NLRC3: variants seen among roughly 807,000 people sequenced by gnomAD.
NLRC3 encodes the protein NLR family CARD domain-containing protein 3.
Under a neutral mutation model 91.6 loss-of-function variants are expected in NLRC3, and 87 were observed. That is an observed-to-expected ratio of 0.95 (90% CI 0.80 to 1.14). NLRC3 has a LOEUF of 1.14. NLRC3 is among the 50% of genes most tolerant of loss of function. The probability of loss-of-function intolerance (pLI) is 0.00; values close to 1 mark genes in which losing one functional copy is unlikely to be tolerated. For synonymous variants in NLRC3, 694 were observed against 625.3 expected (o/e 1.11, Z -1.64); for missense variants, 1,577 against 1,418.6 (o/e 1.11, Z -1.79).
intron 17 of NLRC3, 68 bp from the exon 18 acceptor site, chr16:3,542,843 G>C: frequency 9.1e-7 from 1 of 1,103,560 alleles, no homozygotes; most frequent in Non-Finnish European, 1.3e-6. Flanking sequence ...CCCTCTGCGG[G>C]TGGGCTTGGG....
intron 1 of NLRC3, among the ~76,000 whole-genome samples, chr16:3,574,368 C>T (rs572593604): frequency 1.4e-4 from 21 of 152,158 alleles, no homozygotes; most frequent in African/African-American, 4.6e-4. Context: ...AGGGCCCCCA[C>T]GTGGATCTAG....
At chr16:3,551,800 TATCCATTCATTC>T (rs2039023631) in intron 10 of NLRC3, among the ~76,000 whole-genome samples, 4 of 130,978 alleles carry the variant, frequency 3.1e-5, no homozygotes, top group South Asian at 5.4e-4. Context: ...CTCATTCATT[TATCCATTCATTC>T]ACCCATCCAT....
chr16:3,562,689 A>G (rs1202728105), intron 5 of NLRC3, among the ~76,000 whole-genome samples: 3 of 149,134 alleles, frequency 2.0e-5, no homozygotes, highest in African/African-American at 2.6e-5. Context: ...CAGGGAGAAG[A>G]TGACCAGGCG....
chr16:3,576,645 TTTTTC>T (rs55896016), intron 1 of NLRC3, among the ~76,000 whole-genome samples: 11 of 152,130 alleles, frequency 7.2e-5, no homozygotes, highest in Middle Eastern at 3.4e-3. Context: ...AGTTACCTGT[TTTTTC>T]TTTTCTTTTT....
At chr16:3,574,708 C>A (rs913347286) in intron 1 of NLRC3, among the ~76,000 whole-genome samples, 1 of 152,142 alleles carries the variant, frequency 6.6e-6, no homozygotes, top group Admixed American at 6.5e-5. Flanking sequence ...TGCCTGTAAT[C>A]CTAGCACTTT....
At position 3,564,198 on chromosome 16, in the gene NLRC3, G is replaced by C. The variant is rs933380485; in HGVS notation, c.739C>G (p.His247Asp). 3.7e-6 allele frequency: 6 copies of C among 1,613,484 alleles called. No individual in the cohort carries two copies. The highest frequency in any genetic ancestry group is 5.1e-6 in the Non-Finnish European group (6 of 1,179,884). The change falls in exon 5 of 20, where the codon CAC (histidine) becomes GAC (aspartate). Residue 247 changes from histidine (H) to aspartate (D), a missense_variant. Transcript: ENST00000359128. The surrounding 1 kb of genome is among the most constrained non-coding windows in gnomAD (Gnocchi z 5.9). ...CCACGGATGATGTTGGTGATCAGGT[G>C]GTCCACCGGGATCTCCTTCTTTGGG... ...TDPKKEIPVD[H>D]LITNIIRGNL...
intron 17 of NLRC3, 96 bp downstream of exon 17, chr16:3,543,329 T>G (rs1226896967): frequency 1.2e-6 from 1 of 848,606 alleles, no homozygotes; most frequent in Non-Finnish European, 1.9e-6. Context: ...CAGGATGATT[T>G]GTGAGTTGTC....
intron 6 of NLRC3, among the ~76,000 whole-genome samples, chr16:3,559,635 T>C (rs1195617818): frequency 6.8e-6 from 1 of 147,810 alleles, no homozygotes; most frequent in Non-Finnish European, 1.5e-5. Context: ...ACTTTTCTTT[T>C]TTTTTTTCTT....
rs368211460 is a variant in NLRC3 at position 3,563,239 on chromosome 16, G to A, written c.1698C>T (p.Asn566=). 37 of 1,605,766 alleles carry A rather than the reference G, an allele frequency of 2.3e-5. No homozygotes were observed. Among genetic ancestry groups the A allele is most frequent in the African/African-American group, 9.3e-5 (7 of 74,884 alleles). ...GCAGCTCATGCAGGCAGTGCAACAC[G>A]TTGATGGCCCGTGCACAGACTGCGG... ...PDAAVCARAI[N]VLHCLHELQH... is the part of the protein sequence containing the mutation. The change falls in exon 5 of 20, where the codon AAC becomes AAT. Residue 566 remains asparagine, a synonymous_variant. Coordinates refer to ENST00000359128, the MANE Select transcript of NLRC3 (RefSeq NM_178844.4).
At position 3,563,726 on chromosome 16, in the gene NLRC3, G is replaced by T; in HGVS notation, c.1211C>A (p.Ala404Asp). ...RKMVGTLGRLAFHGLLKKKYV... is the reference protein window; with the variant it reads ...RKMVGTLGRLDFHGLLKKKYV... Reference sequence around the variant, plus strand: ...TTTCTTCTTGAGCAGCCCATGGAAGGCCAGACGGCCCAATGTCCCCACCAT... The same window carrying T: ...TTTCTTCTTGAGCAGCCCATGGAAGTCCAGACGGCCCAATGTCCCCACCAT... Residue 404 changes from alanine to aspartate, a missense_variant, in exon 5 of 20, where the codon GCC becomes GAC. Ala to Asp is a moderately radical substitution (Grantham distance 126, BLOSUM62 -2). Transcript: ENST00000359128. The T allele has an allele frequency of 1.2e-6, 2 of 1,613,486 alleles. No individual in the cohort carries two copies. Among genetic ancestry groups the T allele is most frequent in the Non-Finnish European group, 1.7e-6 (2 of 1,179,776 alleles).
chr16:3,576,196 C>T (rs2040284315), intron 1 of NLRC3, among the ~76,000 whole-genome samples: 1 of 152,206 alleles, frequency 6.6e-6, no homozygotes, highest in East Asian at 1.9e-4. Flanking sequence ...ACACCAGGGC[C>T]TCTGGAGCCT....
intron 9 of NLRC3, among the ~76,000 whole-genome samples, chr16:3,553,452 A>G (rs1352959200): frequency 6.6e-6 from 1 of 152,234 alleles, no homozygotes; most frequent in Non-Finnish European, 1.5e-5. Context: ...TCCTTTGGAT[A>G]AAAGCAATTA....
Position 3,542,285 on chromosome 16 carries a change from A to G in NLRC3, c.3024-11T>C. 1.2e-5 allele frequency: 18 copies of G among 1,539,862 alleles called. No homozygotes were observed. Among genetic ancestry groups the G allele is most frequent in the Non-Finnish European group, 1.6e-5 (18 of 1,125,598 alleles). Reference sequence around the variant, plus strand: ...GAATTCTCTTGAAGACTAAGTGGAAAAGAGATGGAGACACACGGTGAGCCA... The same window carrying G: ...GAATTCTCTTGAAGACTAAGTGGAAGAGAGATGGAGACACACGGTGAGCCA... On this transcript the variant is annotated splice_polypyrimidine_tract_variant and intron_variant, in intron 18 of 19. Transcript: ENST00000359128.
intron 6 of NLRC3, among the ~76,000 whole-genome samples, chr16:3,558,582 C>CCA (rs3067979): frequency 0.021 from 3,051 of 147,668 alleles, 58 homozygotes; most frequent in East Asian, 0.062. Flanking sequence ...TAAAAAAAAA[C>CCA]CACACACACA....
At position 3,563,968 on chromosome 16, in the gene NLRC3, G is replaced by A. The variant is rs1274993243; in HGVS notation, c.969C>T (p.Tyr323=). 13 of 1,603,514 alleles carry A rather than the reference G, an allele frequency of 8.1e-6. No homozygotes were observed. The Middle Eastern group carries it at 1.2e-3, about 143-fold the overall frequency. The part of the protein sequence containing the change: ...LSQVQADRAL[Y]LMCTVPAFCR... ...AGAAGGCTGGGACGGTGCACATCAG[G>A]TACAGGGCCCTGTCAGCCTGCACTT... is the stretch of plus-strand genomic sequence containing the variant. Residue 323 remains tyrosine, a synonymous_variant, in exon 5 of 20, where the codon TAC becomes TAT. Coordinates refer to ENST00000359128, the MANE Select transcript of NLRC3 (RefSeq NM_178844.4).
chr16:3,542,139 G>T, intron 19 of NLRC3, 52 bp downstream of exon 19: 1 of 1,303,772 alleles, frequency 7.7e-7, no homozygotes, highest in Non-Finnish European at 1.1e-6. Context: ...AAAAGGCAGT[G>T]CGCCACCTGG....
chr16:3,567,474 A>G (rs572508127), intron 1 of NLRC3, 150 bp from the exon 2 acceptor site: 1 of 152,348 alleles, frequency 6.6e-6, no homozygotes, highest in East Asian at 1.9e-4. Context: ...CTGGTTCTCA[A>G]TGTTTAGCTT....
intron 9 of NLRC3, among the ~76,000 whole-genome samples, chr16:3,553,937 G>A (rs1484747781): frequency 4.0e-5 from 6 of 150,148 alleles, no homozygotes; most frequent in Admixed American, 4.0e-4. Context: ...AGTAGAGACG[G>A]TGTTTTACTA....
intron 7 of NLRC3, among the ~76,000 whole-genome samples, chr16:3,557,204 C>A (rs998938873): frequency 2.0e-5 from 3 of 152,180 alleles, no homozygotes. Flanking sequence ...GGAAAGAAAG[C>A]AGCACCTGAT....
Sources: allele counts gnomAD v4.1 joint callset (sites outside exome capture counted in the v4.1 genomes callset), GRCh38; gene constraint gnomAD v4.1.1; non-coding constraint Gnocchi (gnomAD v3.1); transcripts MANE v1.5; gene names NCBI Gene and HGNC (gene_info 2026-07-23, HGNC 2026-07-21).